FAM135B: variants seen among roughly 807,000 people sequenced by gnomAD.
The protein encoded by FAM135B is family with sequence similarity 135 member B, also known as protein FAM135B.
FAM135B carries 43 observed loss-of-function variants against 127.7 expected under a neutral mutation model. The observed-to-expected ratio is 0.34, with a 90% CI of 0.26 to 0.43. FAM135B has a LOEUF of 0.43. Among genes scored for constraint, FAM135B ranks in the 20% least tolerant of loss-of-function variants. FAM135B has a pLI of 1.00. For synonymous variants in FAM135B, 670 were observed against 665.1 expected, an observed-to-expected ratio of 1.01 and a Z score of -0.11; for missense variants, 1,558 against 1,725.6, an observed-to-expected ratio of 0.90 and a Z score of 1.72.
In FAM135B at chr8:138,370,624, G is replaced by C. The variant is rs182439018; in HGVS notation, c.-19-2622C>G. On this transcript the variant is annotated intron_variant, in intron 1 of 19. Coordinates refer to ENST00000395297, the MANE Select transcript of FAM135B (RefSeq NM_015912.4). ...CACCACCACGCCTGGCTAATTTTTC[G>C]TATTTTTAGTAGAGACGGGGCTTCA... Among the ~76,000 whole-genome samples, 4 of 151,900 alleles carry C rather than the reference G, an allele frequency of 2.6e-5. No homozygotes were observed. In the South Asian group the frequency reaches 6.2e-4, roughly 24 times the overall value.
At chr8:138,336,174 C>A (rs1828567316) in intron 2 of FAM135B, among the ~76,000 whole-genome samples, 3 of 151,846 alleles carry the variant, frequency 2.0e-5, no homozygotes, top group African/African-American at 7.3e-5. Context: ...AAAATTGACA[C>A]CCTAACATCA....
chr8:138,318,099 G>A (rs1355976496), intron 2 of FAM135B, among the ~76,000 whole-genome samples: 1 of 152,176 alleles, frequency 6.6e-6, no homozygotes, highest in African/African-American at 2.4e-5. Context: ...ATTAGCAGCG[G>A]CAGCCATGGC....
intron 3 of FAM135B, among the ~76,000 whole-genome samples, chr8:138,286,334 C>T (rs1234016520): frequency 2.0e-5 from 3 of 152,158 alleles, no homozygotes; most frequent in Non-Finnish European, 4.4e-5. Context: ...AGTGGAGGAA[C>T]ATGGTGTCAG....
intron 1 of FAM135B, among the ~76,000 whole-genome samples, chr8:138,375,253 T>C (rs914781319): frequency 1.9e-5 from 1 of 52,050 alleles, no homozygotes; most frequent in Non-Finnish European, 3.4e-5. Flanking sequence ...TATGAGCTGA[T>C]TGTTTTGTCA....
chr8:138,167,801 C>A, intron 12 of FAM135B, 94 bp downstream of exon 12: 2 of 1,390,154 alleles, frequency 1.4e-6, no homozygotes, highest in Non-Finnish European at 1.9e-6. Flanking sequence ...TTAATTTGGT[C>A]TCACTTTTGC....
At position 138,167,977 on chromosome 8, in the gene FAM135B, A is replaced by G. The variant is rs1563720487; in HGVS notation, c.1176T>C (p.Pro392=). The G allele has an allele frequency of 1.2e-6, 2 of 1,613,998 alleles. No individual in the cohort carries two copies. Among genetic ancestry groups the G allele is most frequent in the Non-Finnish European group, 1.7e-6 (2 of 1,179,944 alleles). Residue 392 remains proline (P), a synonymous_variant, in exon 12 of 20, where the codon CCT becomes CCC. Transcript: ENST00000395297. ...SEYLTSMPPL[P]AECLDIDGDW... is the part of the protein sequence containing the mutation. ...CGCCGTCGATGTCCAGGCACTCTGCAGGCAGCGGGGGCATGCTAGTGAGGT... is the reference window on the plus strand; with the variant it reads ...CGCCGTCGATGTCCAGGCACTCTGCGGGCAGCGGGGGCATGCTAGTGAGGT...
chr8:138,244,805 T>C (rs1821153696), intron 6 of FAM135B, among the ~76,000 whole-genome samples: 1 of 152,178 alleles, frequency 6.6e-6, no homozygotes, highest in Admixed American at 6.5e-5. Context: ...TTCTGGTGGA[T>C]CTGAATCCCT....
intron 1 of FAM135B, among the ~76,000 whole-genome samples, chr8:138,385,181 AT>A: frequency 6.6e-6 from 1 of 151,934 alleles, no homozygotes; most frequent in African/African-American, 2.4e-5. Context: ...CTGCTCCTCA[AT>A]TTTCCTTACT....
rs55837421 is a variant in FAM135B, at chr8:138,242,165, TTGTGTGTGTGTGTGTGTGTGTG to T, written c.669+755_669+776del. On this transcript the variant is annotated intron_variant, in intron 7 of 19. Coordinates refer to ENST00000395297, the MANE Select transcript of FAM135B (RefSeq NM_015912.4). The surrounding 1 kb of genome is among the most constrained non-coding windows in gnomAD (Gnocchi z 9.6). The stretch of plus-strand genomic sequence containing the variant: ...AGTCAATTACTTATGATAAATCTCT[TTGTGTGTGTGTGTGTGTGTGTG>T]TGTGTGTGTGTGTGTGTGTGTGTGT... Among the ~76,000 whole-genome samples, 48 of 130,086 alleles carry T rather than the reference TTGTGTGTGTGTGTGTGTGTGTG, an allele frequency of 3.7e-4. 1 individual carries two copies. The highest frequency in any genetic ancestry group is 9.7e-4 in the African/African-American group (33 of 34,112). 85.3% of individuals were successfully genotyped at this position (130,086 alleles called of 152,430 possible).
chr8:138,463,898 T>C (rs1327514837), intron 1 of FAM135B, among the ~76,000 whole-genome samples: 3 of 152,190 alleles, frequency 2.0e-5, no homozygotes, highest in Admixed American at 1.3e-4. Context: ...ATTACCATTA[T>C]TAAAATAACC....
intron 11 of FAM135B, among the ~76,000 whole-genome samples, chr8:138,176,267 G>T (rs4634693): frequency 0.53 from 80,369 of 152,082 alleles, 21,705 homozygotes; most frequent in East Asian, 0.8. Context: ...CTCCACAATC[G>T]AAGGTTTACC....
At chr8:138,308,622 A>G (rs1288173017) in intron 3 of FAM135B, among the ~76,000 whole-genome samples, 1 of 97,932 alleles carries the variant, frequency 1.0e-5, no homozygotes, top group Admixed American at 1.3e-4. Context: ...ATACTAGAAA[A>G]GAAAATAGTT....
At chr8:138,305,567 A>T (rs578113608) in intron 3 of FAM135B, among the ~76,000 whole-genome samples, 4 of 152,256 alleles carry the variant, frequency 2.6e-5, no homozygotes, top group Non-Finnish European at 5.9e-5. Context: ...GCAAAACATA[A>T]GCAAGCCTTT....
At chr8:138,348,952 G>C in intron 2 of FAM135B, among the ~76,000 whole-genome samples, 1 of 152,264 alleles carries the variant, frequency 6.6e-6, no homozygotes, top group East Asian at 1.9e-4. Context: ...GTCTGGAGCA[G>C]AGAGTTGTGG....
At chr8:138,296,560 G>C (rs1825496088) in intron 3 of FAM135B, among the ~76,000 whole-genome samples, 1 of 152,184 alleles carries the variant, frequency 6.6e-6, no homozygotes, top group South Asian at 2.1e-4. Flanking sequence ...ATTTGCTGAA[G>C]AAAATCAGTG....
chr8:138,414,272 G>A (rs61116371), intron 1 of FAM135B, among the ~76,000 whole-genome samples: 2,799 of 152,070 alleles, frequency 0.018, 76 homozygotes, highest in East Asian at 0.079. Context: ...CTCACCCACT[G>A]AGCCTCAATT....
At chr8:138,404,100 G>A (rs1384196691) in intron 1 of FAM135B, among the ~76,000 whole-genome samples, 2 of 151,968 alleles carry the variant, frequency 1.3e-5, no homozygotes, top group African/African-American at 4.8e-5. Flanking sequence ...GATGTTGCAG[G>A]TTCAGTGCCA....
intron 3 of FAM135B, among the ~76,000 whole-genome samples, chr8:138,295,674 C>A (rs544582925): frequency 2.6e-4 from 40 of 152,292 alleles, no homozygotes; most frequent in Admixed American, 9.8e-4. Flanking sequence ...CACATGCAAG[C>A]ATCCTATCTT....
intron 12 of FAM135B, among the ~76,000 whole-genome samples, chr8:138,160,568 T>TA (rs1208287755): frequency 2.0e-5 from 3 of 150,960 alleles, no homozygotes; most frequent in African/African-American, 4.9e-5. Flanking sequence ...TTTTTTTTTT[T>TA]TTGTATTTTA....
Sources: gnomAD v4.1 joint callset for allele counts (sites outside exome capture counted in the v4.1 genomes callset) on GRCh38, gnomAD v4.1.1 for gene constraint, Gnocchi (gnomAD v3.1) non-coding constraint, MANE v1.5 for transcripts, NCBI Gene and HGNC (gene_info 2026-07-23, HGNC 2026-07-21) for gene names.